The following AKR1B15 variants were observed in gnomAD, a reference collection of about 807,000 sequenced individuals.
AKR1B15 encodes estradiol 17-beta-dehydrogenase AKR1B15.
Under a neutral mutation model 38.5 loss-of-function variants are expected in AKR1B15, and 49 were observed. That is an observed-to-expected ratio of 1.27 (90% confidence interval 1.01 to 1.62). The LOEUF (loss-of-function observed/expected upper bound fraction) is 1.62. Ranked by LOEUF, AKR1B15 falls within the 40% of genes most tolerant of loss-of-function variation. The probability of loss-of-function intolerance (pLI) is 0.00; values close to 1 mark genes in which losing one functional copy is unlikely to be tolerated. For synonymous variants in AKR1B15, 137 were observed against 135.5 expected, an observed-to-expected ratio of 1.01 and a Z score of -0.08; for missense variants, 411 against 381.6, an observed-to-expected ratio of 1.08 and a Z score of -0.64.
At chr7:134,562,886 C>CT (rs1281432085) in intron 2 of AKR1B15, among the ~76,000 whole-genome samples, 9 of 127,614 alleles carry the variant, frequency 7.1e-5, no homozygotes, top group African/African-American at 2.8e-4. Flanking sequence ...TTCTTTCTTT[C>CT]TTTCCTTCTT....
At chr7:134,574,297 T>TA (rs1794719177) in intron 6 of AKR1B15, among the ~76,000 whole-genome samples, 1 of 152,216 alleles carries the variant, frequency 6.6e-6, no homozygotes, top group Admixed American at 6.5e-5. Flanking sequence ...CCTCTGAGCT[T>TA]TGCTCCTGCC....
chr7:134,553,074 T>TCCTA (rs1794044727), intron 1 of AKR1B15, among the ~76,000 whole-genome samples: 2 of 152,102 alleles, frequency 1.3e-5, no homozygotes, highest in Non-Finnish European at 2.9e-5. Flanking sequence ...TCCCAGCATT[T>TCCTA]CCTACCTAGG....
chr7:134,575,292 T>A (rs1794742992), intron 6 of AKR1B15, 128 bp from the exon 7 acceptor site: 1 of 1,426,914 alleles, frequency 7.0e-7, no homozygotes, highest in East Asian at 2.5e-5. Context: ...TGAAATTTCC[T>A]GTGAATGCTT....
At chr7:134,571,011 T>A (rs1794656935) in intron 5 of AKR1B15, among the ~76,000 whole-genome samples, 1 of 152,184 alleles carries the variant, frequency 6.6e-6, no homozygotes, top group Non-Finnish European at 1.5e-5. Context: ...AAAGCACACC[T>A]GGCAGTGGCA....
chr7:134,550,297 C>G (rs1007920130), intron 1 of AKR1B15, among the ~76,000 whole-genome samples: 15 of 152,186 alleles, frequency 9.9e-5, no homozygotes. Context: ...TCCTCCTCAT[C>G]CCCATCCCTT....
At chr7:134,571,566 A>G in intron 5 of AKR1B15, 38 bp from the exon 6 acceptor site, 1 of 1,515,958 alleles carries the variant, frequency 6.6e-7, no homozygotes. Flanking sequence ...AAGTGTCCTG[A>G]TGCAGATTCC....
intron 2 of AKR1B15, among the ~76,000 whole-genome samples, chr7:134,557,202 T>C (rs1228857479): frequency 6.6e-6 from 1 of 152,164 alleles, no homozygotes; most frequent in East Asian, 1.9e-4. Context: ...GGGACCCCCT[T>C]CTCCTCCTCT....
chr7:134,562,830 TTC>T (rs1272548711), intron 2 of AKR1B15, among the ~76,000 whole-genome samples: 22 of 133,318 alleles, frequency 1.7e-4, no homozygotes, highest in South Asian at 5.3e-4. Flanking sequence ...CTTCCTTCCT[TTC>T]TCTTTCTTTC....
intron 1 of AKR1B15, among the ~76,000 whole-genome samples, chr7:134,556,518 AC>A (rs1222547776): frequency 6.6e-6 from 1 of 152,096 alleles, no homozygotes; most frequent in Non-Finnish European, 1.5e-5. Context: ...CTTTCAGGCT[AC>A]TTGTAGTGAG....
intron 3 of AKR1B15, among the ~76,000 whole-genome samples, chr7:134,567,048 G>T (rs1300047598): frequency 6.6e-6 from 1 of 152,222 alleles, no homozygotes; most frequent in Non-Finnish European, 1.5e-5. Context: ...AAAGGATTAT[G>T]AACTTAGCAG....
chr7:134,562,967 G>A (rs565916952), intron 2 of AKR1B15, among the ~76,000 whole-genome samples: 1 of 142,874 alleles, frequency 7.0e-6, no homozygotes, highest in African/African-American at 2.6e-5. Flanking sequence ...TTTTCTGTCT[G>A]TTTTCTCTAT....
intron 2 of AKR1B15, among the ~76,000 whole-genome samples, chr7:134,561,004 G>A (rs1794372174): frequency 6.6e-6 from 1 of 152,102 alleles, no homozygotes; most frequent in African/African-American, 2.4e-5. Flanking sequence ...AGTTTACTGT[G>A]GCATGCATAC....
chr7:134,578,938 G>A (rs1275149165), intron 11 of AKR1B15, among the ~76,000 whole-genome samples: 1 of 152,194 alleles, frequency 6.6e-6, no homozygotes, highest in Non-Finnish European at 1.5e-5. Context: ...GTAGGCAATG[G>A]GTTGGTGGAC....
intron 11 of AKR1B15, among the ~76,000 whole-genome samples, chr7:134,578,505 A>T (rs1407974652): frequency 6.6e-6 from 1 of 152,166 alleles, no homozygotes; most frequent in Non-Finnish European, 1.5e-5. Flanking sequence ...ATCTCAGATA[A>T]GTTGTTGAAA....
At chr7:134,572,574 G>A (rs1166878138) in intron 6 of AKR1B15, among the ~76,000 whole-genome samples, 2 of 151,418 alleles carry the variant, frequency 1.3e-5, no homozygotes, top group East Asian at 1.9e-4. Flanking sequence ...GTTGCATTGA[G>A]CCAAGATTGC....
chr7:134,573,416 C>T (rs942163913), intron 6 of AKR1B15: 6 of 985,292 alleles, frequency 6.1e-6, no homozygotes, highest in Middle Eastern at 5.2e-4. Context: ...CCCTGCTTCT[C>T]ACAGTGCTAT....
chr7:134,572,094 C>T (rs570082864), intron 6 of AKR1B15, among the ~76,000 whole-genome samples: 28 of 152,230 alleles, frequency 1.8e-4, no homozygotes, highest in Non-Finnish European at 2.8e-4. Flanking sequence ...ATATATCTTT[C>T]GGGGTGTGAT....
intron 3 of AKR1B15, among the ~76,000 whole-genome samples, chr7:134,567,391 A>T (rs1395955527): frequency 2.0e-5 from 3 of 151,946 alleles, no homozygotes; most frequent in Admixed American, 2.0e-4. Flanking sequence ...GGAATGGAAA[A>T]CAAACTCTAT....
intron 6 of AKR1B15, among the ~76,000 whole-genome samples, chr7:134,572,946 C>G (rs1392055287): frequency 6.6e-6 from 1 of 152,126 alleles, no homozygotes; most frequent in Non-Finnish European, 1.5e-5. Context: ...TTAAGCCTCA[C>G]CTTTCTGAAA....
Sources: gnomAD v4.1 joint callset for allele counts (sites outside exome capture counted in the v4.1 genomes callset) on GRCh38, gnomAD v4.1.1 for gene constraint, MANE v1.5 for transcripts, NCBI Gene and HGNC (gene_info 2026-07-23, HGNC 2026-07-21) for gene names.